The following LRFN5 variants were observed in gnomAD, a reference collection of about 807,000 sequenced individuals.
The protein encoded by LRFN5 is leucine rich repeat and fibronectin type III domain containing 5.
Under a neutral mutation model 45.6 loss-of-function variants are expected in LRFN5, and 24 were observed. The observed-to-expected ratio is 0.53, with a 90% confidence interval of 0.38 to 0.74. The LOEUF (loss-of-function observed/expected upper bound fraction) is 0.74. Ranked by LOEUF, LRFN5 falls within the 30% of genes least tolerant of loss-of-function variation. The pLI is 0.00. For synonymous variants in LRFN5, 340 were observed against 313.8 expected (o/e 1.08, Z -0.88); for missense variants, 776 against 861.5 (o/e 0.90, Z 1.24).
chr14:41,840,641 T>C (rs1888827811), intron 2 of LRFN5, among the ~76,000 whole-genome samples: 1 of 152,026 alleles, frequency 6.6e-6, no homozygotes, highest in African/African-American at 2.4e-5. Context: ...AATATTCTTT[T>C]TCCCCTCATC....
At chr14:41,884,491 A>G (rs1185501800) in intron 2 of LRFN5, among the ~76,000 whole-genome samples, 1 of 152,098 alleles carries the variant, frequency 6.6e-6, no homozygotes, top group African/African-American at 2.4e-5. Flanking sequence ...AAGAGGCGGA[A>G]GAAGAGACCC....
chr14:41,628,888 A>C (rs1888438913), intron 1 of LRFN5, among the ~76,000 whole-genome samples: 1 of 152,116 alleles, frequency 6.6e-6, no homozygotes, highest in Non-Finnish European at 1.5e-5. Flanking sequence ...CTGTCAGCGC[A>C]TACTACATAA....
intron 1 of LRFN5, among the ~76,000 whole-genome samples, chr14:41,611,307 A>G (rs980556792): frequency 2.0e-5 from 3 of 152,190 alleles, no homozygotes; most frequent in East Asian, 1.9e-4. Flanking sequence ...GCGGGGGGAA[A>G]ATATTTCTGC....
intron 1 of LRFN5, among the ~76,000 whole-genome samples, chr14:41,688,124 C>T (rs893169925): frequency 2.0e-5 from 3 of 152,140 alleles, no homozygotes; most frequent in African/African-American, 7.2e-5. Flanking sequence ...AACAGTTGAG[C>T]ACATGGAGAT....
intron 2 of LRFN5, among the ~76,000 whole-genome samples, chr14:41,804,176 A>G (rs1887438907): frequency 6.6e-6 from 1 of 151,932 alleles, no homozygotes; most frequent in African/African-American, 2.4e-5. Context: ...TTTTATTACT[A>G]CTCAAATCAG....
At chr14:41,691,799 T>C (rs959933818) in intron 1 of LRFN5, among the ~76,000 whole-genome samples, 3 of 152,128 alleles carry the variant, frequency 2.0e-5, no homozygotes, top group African/African-American at 7.2e-5. Flanking sequence ...TACTTTCTGA[T>C]GTCTAACACT....
At chr14:41,791,914 C>G (rs1886934971) in intron 2 of LRFN5, among the ~76,000 whole-genome samples, 2 of 152,226 alleles carry the variant, frequency 1.3e-5, no homozygotes, top group South Asian at 4.1e-4. Flanking sequence ...ATAAGCAATA[C>G]AGTTCCTTTC....
intron 2 of LRFN5, among the ~76,000 whole-genome samples, chr14:41,870,956 A>T (rs913507061): frequency 6.6e-6 from 1 of 152,156 alleles, no homozygotes; most frequent in Non-Finnish European, 1.5e-5. Context: ...CAGGTATATT[A>T]TAATTCATCT....
intron 1 of LRFN5, among the ~76,000 whole-genome samples, chr14:41,714,851 G>C (rs1034783495): frequency 2.0e-5 from 3 of 152,242 alleles, no homozygotes; most frequent in Admixed American, 2.0e-4. Context: ...GCTGCGGGGA[G>C]CTGTAATGAT....
intron 2 of LRFN5, among the ~76,000 whole-genome samples, chr14:41,871,127 A>G (rs1276459690): frequency 6.6e-6 from 1 of 152,180 alleles, no homozygotes; most frequent in Non-Finnish European, 1.5e-5. Flanking sequence ...TTATTTAAAA[A>G]TCATCCAATT....
chr14:41,725,464 C>A (rs1253685193), intron 1 of LRFN5, among the ~76,000 whole-genome samples: 2 of 152,090 alleles, frequency 1.3e-5, no homozygotes, highest in Non-Finnish European at 2.9e-5. Flanking sequence ...CTCTTCTAAC[C>A]CTTACTGGCT....
chr14:41,901,676 T>A (rs1055820204), intron 5 of LRFN5, among the ~76,000 whole-genome samples: 8 of 152,052 alleles, frequency 5.3e-5, no homozygotes, highest in Admixed American at 5.3e-4. Flanking sequence ...TGATTATGAA[T>A]ACATAACAAC....
At chr14:41,714,533 G>A (rs1241711441) in intron 1 of LRFN5, among the ~76,000 whole-genome samples, 2 of 151,986 alleles carry the variant, frequency 1.3e-5, no homozygotes, top group Non-Finnish European at 2.9e-5. Context: ...ACTATAATCA[G>A]AACTAATTTA....
chr14:41,877,279 G>C (rs1276052637), intron 2 of LRFN5, among the ~76,000 whole-genome samples: 1 of 151,996 alleles, frequency 6.6e-6, no homozygotes, highest in Non-Finnish European at 1.5e-5. Flanking sequence ...TGAGTACCTG[G>C]GATTACGGGT....
At chr14:41,807,481 A>G (rs990509478) in intron 2 of LRFN5, among the ~76,000 whole-genome samples, 1 of 152,170 alleles carries the variant, frequency 6.6e-6, no homozygotes, top group Non-Finnish European at 1.5e-5. Flanking sequence ...TTTGAGGAAT[A>G]TGGAAAACAT....
intron 2 of LRFN5, among the ~76,000 whole-genome samples, chr14:41,787,093 C>A (rs907216741): frequency 4.0e-5 from 6 of 151,676 alleles, no homozygotes; most frequent in Admixed American, 1.3e-4. Flanking sequence ...TTTGCTAATT[C>A]TGTTATCTCT....
chr14:41,767,016 T>C lies in LRFN5; in HGVS notation c.-34T>C, dbSNP rs1270873498. ...ACTCCTTCACAGCCGTGAGGAACTC[T>C]TCAGGCTCCAGAAGTAAGTTGATTG... is the stretch of plus-strand genomic sequence containing the variant. On this transcript the variant is annotated 5_prime_UTR_variant, in exon 2 of 6. Transcript: ENST00000298119. 2.6e-5 allele frequency: 4 copies of C among 152,642 alleles called. No homozygotes were observed. Among genetic ancestry groups the C allele is most frequent in the African/African-American group, 9.7e-5 (4 of 41,446 alleles). The allele number at this position is 152,642 out of a possible 1,614,324, so 9.5% of individuals were successfully genotyped here. A position where few individuals can be genotyped will look rare whatever the true frequency, so the allele number is the denominator to read the frequency against.
chr14:41,891,929 G>A lies in LRFN5; in HGVS notation c.2065G>A (p.Gly689Arg). 1 of 1,613,956 alleles carries A rather than the reference G, an allele frequency of 6.2e-7. No individual in the cohort carries two copies. The highest frequency in any genetic ancestry group is 1.1e-5 in the South Asian group (1 of 91,062). ...ASRPPDSVTE[G>R]PTSKRAHIKP... ...CCGTCCTCCCGATTCTGTCACAGAGGGGCCCACGTCTAAAAGAGCACATAT... is the reference window on the plus strand; with the variant it reads ...CCGTCCTCCCGATTCTGTCACAGAGAGGCCCACGTCTAAAAGAGCACATAT... The change falls in exon 4 of 6, where the codon GGG becomes AGG. Residue 689 changes from glycine to arginine, a missense_variant. Transcript: ENST00000298119.
At chr14:41,784,086 T>G (rs1037070943) in intron 2 of LRFN5, among the ~76,000 whole-genome samples, 2 of 152,216 alleles carry the variant, frequency 1.3e-5, no homozygotes, top group Admixed American at 1.3e-4. Context: ...ACTAATTGAC[T>G]TACCATTCTA....
Sources: gnomAD v4.1 joint callset for allele counts (sites outside exome capture counted in the v4.1 genomes callset) on GRCh38, gnomAD v4.1.1 for gene constraint, MANE v1.5 for transcripts, NCBI Gene and HGNC (gene_info 2026-07-23, HGNC 2026-07-21) for gene names.